Variants in ZNF609 observed in about 807,000 individuals in gnomAD.
ZNF609 encodes zinc finger protein 609.
A neutral mutation model predicts 109.5 loss-of-function variants in ZNF609; 11 were observed. The observed-to-expected ratio is 0.10, with a 90% CI of 0.06 to 0.17. The LOEUF (loss-of-function observed/expected upper bound fraction) is 0.17, where lower values mean the gene tolerates loss of function less well. ZNF609 is among the 10% of genes least tolerant of loss of function. The pLI is 1.00. For synonymous variants in ZNF609, 646 were observed against 662.0 expected (o/e 0.98, Z 0.37); for missense variants, 1,559 against 1,772.4 (o/e 0.88, Z 2.16).
intron 2 of ZNF609, among the ~76,000 whole-genome samples, chr15:64,561,449 T>C (rs568829186): frequency 7.3e-6 from 1 of 136,612 alleles, no homozygotes; most frequent in South Asian, 2.7e-4. Flanking sequence ...TACTTAAGAT[T>C]TGATTACTCT....
Position 64,653,410 on chromosome 15 carries a change from C to T in ZNF609, c.974-16936C>T, listed in dbSNP as rs144139469. On this transcript the variant is annotated intron_variant, in intron 3 of 9. Coordinates refer to ENST00000326648, the MANE Select transcript of ZNF609 (RefSeq NM_015042.2). Reference sequence around the variant, plus strand: ...CTGTAATCCTAGCACTTTGGGAGGTCGAGGTGGGCGGATTGCCTGAGTTCA... The same window carrying T: ...CTGTAATCCTAGCACTTTGGGAGGTTGAGGTGGGCGGATTGCCTGAGTTCA... 9.4e-3 allele frequency among the ~76,000 whole-genome samples: 1,426 copies of T among 152,142 alleles called. 18 individuals are homozygous for T. The highest frequency in any genetic ancestry group is 0.014 in the Middle Eastern group (4 of 294).
chr15:64,672,824 C>T (rs1391384412), intron 4 of ZNF609, among the ~76,000 whole-genome samples: 4 of 150,278 alleles, frequency 2.7e-5, no homozygotes, highest in African/African-American at 4.9e-5. Context: ...ATTAGCTGGG[C>T]GTGGTGGCTC....
At chr15:64,464,814 C>T (rs1237713809) in intron 1 of ZNF609, among the ~76,000 whole-genome samples, 1 of 152,162 alleles carries the variant, frequency 6.6e-6, no homozygotes, top group Non-Finnish European at 1.5e-5. Context: ...GAATTGGCAG[C>T]AGCTGTGTAG....
chr15:64,586,839 C>A (rs975475450), intron 2 of ZNF609, among the ~76,000 whole-genome samples: 1 of 152,206 alleles, frequency 6.6e-6, no homozygotes, highest in Non-Finnish European at 1.5e-5. Context: ...TTAGACCCAT[C>A]ATATATGCTT....
intron 2 of ZNF609, among the ~76,000 whole-genome samples, chr15:64,541,344 G>A (rs1316315036): frequency 1.4e-5 from 2 of 145,338 alleles, no homozygotes; most frequent in African/African-American, 5.2e-5. Context: ...GGAGAATGGC[G>A]TGAACCCGGG....
At chr15:64,654,045 A>C (rs1351519591) in intron 3 of ZNF609, 1 of 152,156 alleles carries the variant, frequency 6.6e-6, no homozygotes, top group Non-Finnish European at 1.5e-5. Flanking sequence ...CAGTTTATTT[A>C]TCTATTTATT....
intron 2 of ZNF609, among the ~76,000 whole-genome samples, chr15:64,582,368 A>T (rs1895118036): frequency 6.6e-6 from 1 of 152,154 alleles, no homozygotes; most frequent in Admixed American, 6.6e-5. Context: ...AGTATCAAGC[A>T]TGCTATTCTT....
At position 64,476,748 on chromosome 15, in the gene ZNF609, C is replaced by G. The variant is rs145911438; in HGVS notation, c.-128+15910C>G. On this transcript the variant is annotated intron_variant, in intron 1 of 9. Coordinates refer to ENST00000326648, the MANE Select transcript of ZNF609 (RefSeq NM_015042.2). ...GAACTAGAGACCTTCTAACCCAGTT[C>G]CCTGAGGGGTGGGATTTACCCTTCT... 2.1e-3 allele frequency among the ~76,000 whole-genome samples: 322 copies of G among 152,238 alleles called. 4 individuals carry two copies. Among genetic ancestry groups the G allele is most frequent in the South Asian group, 6.4e-3 (31 of 4,832 alleles).
chr15:64,558,520 TCTTAG>T (rs1894626766), intron 2 of ZNF609, among the ~76,000 whole-genome samples: 1 of 152,234 alleles, frequency 6.6e-6, no homozygotes, highest in Non-Finnish European at 1.5e-5. Context: ...ATTTTTCTGA[TCTTAG>T]CTTAGAGTTT....
intron 6 of ZNF609, among the ~76,000 whole-genome samples, chr15:64,678,728 C>A (rs1017963297): frequency 6.6e-6 from 1 of 152,210 alleles, no homozygotes; most frequent in Non-Finnish European, 1.5e-5. Flanking sequence ...TCTCTGTAGT[C>A]AGTTTTCATT....
At chr15:64,532,352 G>A (rs1247742294) in intron 2 of ZNF609, among the ~76,000 whole-genome samples, 2 of 152,158 alleles carry the variant, frequency 1.3e-5, no homozygotes, top group African/African-American at 4.8e-5. Context: ...CTGCTAGAAT[G>A]TAAACTCTAC....
At chr15:64,557,742 G>C (rs572481305) in intron 2 of ZNF609, among the ~76,000 whole-genome samples, 118 of 152,226 alleles carry the variant, frequency 7.8e-4, no homozygotes, top group African/African-American at 2.5e-3. Flanking sequence ...TGTCGCCCAG[G>C]CTGGAGTGCA....
At chr15:64,517,605 C>T (rs563523831) in intron 2 of ZNF609, among the ~76,000 whole-genome samples, 2 of 152,008 alleles carry the variant, frequency 1.3e-5, no homozygotes, top group East Asian at 3.9e-4. Flanking sequence ...CATGGTGGCT[C>T]ACACCTGTAG....
rs544658032 is a variant in ZNF609 at position 64,479,352 on chromosome 15, C to T, written c.-128+18514C>T. Among the ~76,000 whole-genome samples the T allele has an allele frequency of 4.1e-4, 49 of 120,342 alleles. No individual in the cohort carries two copies. The South Asian group carries it at 0.01, about 25-fold the overall frequency. The allele number at this position is 120,342 out of a possible 152,430, so 78.9% of individuals were successfully genotyped here. ...TGTTGCCCAGGCTGGAGTGCAGTGG[C>T]GCAATCTCGGCTCACTGCAAGCTCT... On this transcript the variant is annotated intron_variant, in intron 1 of 9. Coordinates refer to ENST00000326648, the MANE Select transcript of ZNF609 (RefSeq NM_015042.2).
At chr15:64,563,810 A>G (rs1241815165) in intron 2 of ZNF609, among the ~76,000 whole-genome samples, 1 of 151,926 alleles carries the variant, frequency 6.6e-6, no homozygotes. Context: ...AAAACAAAAA[A>G]ACCCATATAT....
At chr15:64,582,713 TTTCTTTTTTC>T (rs1895126396) in intron 2 of ZNF609, among the ~76,000 whole-genome samples, 2 of 46,268 alleles carry the variant, frequency 4.3e-5, no homozygotes, top group Admixed American at 6.9e-4. Flanking sequence ...TCTTTCTTTC[TTTCTTTTTTC>T]TTTTTTTTTT....
intron 1 of ZNF609, among the ~76,000 whole-genome samples, chr15:64,486,479 G>A (rs961559186): frequency 2.2e-4 from 33 of 149,698 alleles, no homozygotes; most frequent in Non-Finnish European, 3.5e-4. Flanking sequence ...AGCTGAGATC[G>A]TGCCACTGCA....
chr15:64,558,887 CTT>C (rs78899402), intron 2 of ZNF609, among the ~76,000 whole-genome samples: 21 of 144,752 alleles, frequency 1.5e-4, no homozygotes, highest in African/African-American at 1.5e-4. Flanking sequence ...AAAATATTTC[CTT>C]TTTTTTTTTT....
chr15:64,460,187 C>G (rs556180204), upstream of ZNF609, among the ~76,000 whole-genome samples: 4 of 152,124 alleles, frequency 2.6e-5, no homozygotes, highest in Admixed American at 2.6e-4. Flanking sequence ...CCCCTACGGC[C>G]CTTTCCTCTC....
Sources: allele counts gnomAD v4.1 joint callset (sites outside exome capture counted in the v4.1 genomes callset), GRCh38; gene constraint gnomAD v4.1.1; transcripts MANE v1.5; gene names NCBI Gene and HGNC (gene_info 2026-07-23, HGNC 2026-07-21).